SNTN: variants seen among roughly 807,000 people sequenced by gnomAD.
SNTN encodes sentan.
SNTN carries 13 observed loss-of-function variants against 12.3 expected under a neutral mutation model. The observed-to-expected ratio is 1.05, with a 90% confidence interval of 0.69 to 1.67. The LOEUF (loss-of-function observed/expected upper bound fraction) is 1.67, where lower values mean the gene tolerates loss of function less well. Among genes scored for constraint, SNTN ranks in the 40% most tolerant of loss-of-function variants. The pLI, the probability that SNTN is intolerant of heterozygous loss-of-function variation, is 0.00. For synonymous variants in SNTN, 69 were observed against 58.5 expected (o/e 1.18, Z -0.82); for missense variants, 189 against 169.8 (o/e 1.11, Z -0.63).
In SNTN at chr3:63,665,125, T is replaced by A. The variant is rs542236108; in HGVS notation, c.*1030T>A. 6.6e-6 allele frequency among the ~76,000 whole-genome samples: 1 copy of A among 152,232 alleles called. No individual in the cohort carries two copies. Among genetic ancestry groups the A allele is most frequent in the East Asian group, 1.9e-4 (1 of 5,172 alleles). On this transcript the variant is annotated 3_prime_UTR_variant, in exon 4 of 4. Transcript: ENST00000343837. ...GGTGGTGGCTACAAGATTGCATGCA[T>A]TTGTCAAACTCATAGAACTGCACAC... is the stretch of plus-strand genomic sequence containing the variant.
At chr3:63,654,330 G>A (rs1700652980) in intron 1 of SNTN, among the ~76,000 whole-genome samples, 1 of 152,174 alleles carries the variant, frequency 6.6e-6, no homozygotes, top group Non-Finnish European at 1.5e-5. Context: ...GTCCAGAGTG[G>A]GAGTTCCAGG....
intron 2 of SNTN, among the ~76,000 whole-genome samples, chr3:63,656,330 A>G (rs898779627): frequency 2.6e-5 from 4 of 152,202 alleles, no homozygotes; most frequent in Admixed American, 1.3e-4. Flanking sequence ...CTGGGAATGA[A>G]TGCAAAGATA....
intron 3 of SNTN, among the ~76,000 whole-genome samples, chr3:63,662,729 T>A (rs945523840): frequency 5.9e-5 from 9 of 152,184 alleles, no homozygotes; most frequent in Non-Finnish European, 1.2e-4. Flanking sequence ...ATAAGAGGAA[T>A]GTAGCATCAT....
chr3:63,659,678 G>T (rs1236698685), intron 2 of SNTN, 47 bp from the exon 3 acceptor site: 2 of 1,609,658 alleles, frequency 1.2e-6, no homozygotes, highest in African/African-American at 1.3e-5. Flanking sequence ...CTGGGGAAGG[G>T]TTATTTCTAA....
chr3:63,657,154 T>C (rs998719941), intron 2 of SNTN, among the ~76,000 whole-genome samples: 2 of 152,282 alleles, frequency 1.3e-5, no homozygotes, highest in East Asian at 3.9e-4. Context: ...AATAAATACT[T>C]GCCAATAAAT....
At position 63,652,705 on chromosome 3, in the gene SNTN, C is replaced by T. The variant is rs1382923679; in HGVS notation, c.18C>T (p.His6=). 1.9e-6 allele frequency: 3 copies of T among 1,613,926 alleles called. No individual in the cohort carries two copies. Among genetic ancestry groups the T allele is most frequent in the African/African-American group, 1.3e-5 (1 of 75,040 alleles). Residue 6 remains histidine (H), a synonymous_variant, in exon 1 of 4, where the codon CAC becomes CAT. Coordinates refer to ENST00000343837, the MANE Select transcript of SNTN (RefSeq NM_001080537.2). Reference sequence around the variant, plus strand: ...ATGAGAGAATGGGTGGCTGTATGCACAGTACCCAGGACAAATCTCTCCACT... The same window carrying T: ...ATGAGAGAATGGGTGGCTGTATGCATAGTACCCAGGACAAATCTCTCCACT... MGGCM[H]STQDKSLHLE...
chr3:63,654,764 T>G lies in SNTN; in HGVS notation c.113T>G (p.Ile38Ser), dbSNP rs1239413527. 2 of 1,613,204 alleles carry G rather than the reference T, an allele frequency of 1.2e-6. No homozygotes were observed. ...TGTTTCTTTCATTTTGTTGGCAGGATTTCAATATCCAAACAACTGGCTTCA... is the reference window on the plus strand; with the variant it reads ...TGTTTCTTTCATTTTGTTGGCAGGAGTTCAATATCCAAACAACTGGCTTCA... The part of the protein sequence containing the change: ...TCAPRKMPKR[I>S]SISKQLASVK... Residue 38 changes from isoleucine to serine, a missense_variant and splice_region_variant, in exon 2 of 4, where the codon ATT becomes AGT. Coordinates refer to ENST00000343837, the MANE Select transcript of SNTN (RefSeq NM_001080537.2).
At chr3:63,663,651 C>T (rs765600464) in intron 3 of SNTN, 2 of 449,412 alleles carry the variant, frequency 4.5e-6, no homozygotes, top group Non-Finnish European at 8.2e-6. Flanking sequence ...AACCCTCCCT[C>T]CTCCTCTTGC....
chr3:63,662,202 C>T (rs1178358206), intron 3 of SNTN, among the ~76,000 whole-genome samples: 1 of 152,150 alleles, frequency 6.6e-6, no homozygotes, highest in Non-Finnish European at 1.5e-5. Context: ...ATGAGACCCC[C>T]TAGGGCAGGT....
intron 2 of SNTN, among the ~76,000 whole-genome samples, chr3:63,655,468 A>G (rs896197671): frequency 2.0e-5 from 3 of 152,176 alleles, no homozygotes; most frequent in African/African-American, 7.2e-5. Flanking sequence ...ATTTAAATAA[A>G]TCTCCATCTT....
chr3:63,656,346 G>T (rs1210605061), intron 2 of SNTN, among the ~76,000 whole-genome samples: 1 of 152,118 alleles, frequency 6.6e-6, no homozygotes, highest in African/African-American at 2.4e-5. Flanking sequence ...AGATAAACAA[G>T]AGGCAATAAC....
At chr3:63,652,949 C>A in intron 1 of SNTN, 152 bp downstream of exon 1, 1 of 646,690 alleles carries the variant, frequency 1.5e-6, no homozygotes, top group Non-Finnish European at 2.7e-6. Flanking sequence ...CTTGGAAAAA[C>A]AAAGACAACA....
In SNTN at chr3:63,652,732, G is replaced by A. The variant is rs1559559421; in HGVS notation, c.45G>A (p.Leu15=). ...GTACCCAGGACAAATCTCTCCACTT[G>A]GAAGGAGATCCCAATCCTTCTGCAG... ...MHSTQDKSLH[L]EGDPNPSAAP... is the part of the protein sequence containing the mutation. The change falls in exon 1 of 4, where the codon TTG becomes TTA. Residue 15 remains leucine, a synonymous_variant. Coordinates refer to ENST00000343837, the MANE Select transcript of SNTN (RefSeq NM_001080537.2). 6.2e-7 allele frequency: 1 copy of A among 1,614,106 alleles called. No homozygotes were observed.
rs1393138145 is a variant in SNTN at position 63,664,150 on chromosome 3, T to C, written c.*55T>C. On this transcript the variant is annotated 3_prime_UTR_variant, in exon 4 of 4. Transcript: ENST00000343837. ...GGCAAAAGACAGTGTTATTAAAATGTTTCCATCTTATTTTTGATTAATTGA... is the reference window on the plus strand; with the variant it reads ...GGCAAAAGACAGTGTTATTAAAATGCTTCCATCTTATTTTTGATTAATTGA... 1 of 1,465,184 alleles carries C rather than the reference T, an allele frequency of 6.8e-7. No homozygotes were observed. Among genetic ancestry groups the C allele is most frequent in the African/African-American group, 1.4e-5 (1 of 69,856 alleles). 90.8% of individuals were successfully genotyped at this position (1,465,184 alleles called of 1,614,324 possible). A position where few individuals can be genotyped will look rare whatever the true frequency, so the allele number is the denominator to read the frequency against.
chr3:63,653,961 C>T (rs1325363509), intron 1 of SNTN, among the ~76,000 whole-genome samples: 2 of 152,162 alleles, frequency 1.3e-5, no homozygotes, highest in African/African-American at 4.8e-5. Context: ...TGATTTCTGC[C>T]ACATCAGGCC....
At chr3:63,654,369 C>T (rs1700653209) in intron 1 of SNTN, among the ~76,000 whole-genome samples, 1 of 152,140 alleles carries the variant, frequency 6.6e-6, no homozygotes, top group Admixed American at 6.5e-5. Flanking sequence ...CATGCAGTCA[C>T]GTGAGACACA....
chr3:63,657,712 A>G (rs1434636205), intron 2 of SNTN, among the ~76,000 whole-genome samples: 7 of 152,230 alleles, frequency 4.6e-5, no homozygotes, highest in Non-Finnish European at 7.3e-5. Context: ...GAACTTCATC[A>G]GAGGGTCAAA....
intron 1 of SNTN, 68 bp from the exon 2 acceptor site, chr3:63,654,694 C>G: frequency 2.2e-6 from 3 of 1,343,066 alleles, no homozygotes; most frequent in Non-Finnish European, 3.2e-6. Flanking sequence ...TTATATTGCT[C>G]TGCTATAGAT....
At chr3:63,656,777 G>A (rs1361826854) in intron 2 of SNTN, among the ~76,000 whole-genome samples, 3 of 152,316 alleles carry the variant, frequency 2.0e-5, no homozygotes, top group Admixed American at 6.5e-5. Context: ...GGAAGGACAT[G>A]TAGCCCCACC....
Sources: allele counts gnomAD v4.1 joint callset (sites outside exome capture counted in the v4.1 genomes callset), GRCh38; gene constraint gnomAD v4.1.1; transcripts MANE v1.5; gene names NCBI Gene and HGNC (gene_info 2026-07-23, HGNC 2026-07-21).